Variants in UPRT observed in about 807,000 individuals in gnomAD.
UPRT encodes the protein uracil phosphoribosyltransferase homolog, also known as RP11-311P8.3.
UPRT carries 5 observed loss-of-function variants against 22.6 expected under a neutral mutation model. The ratio of observed to expected loss-of-function variants is 0.22; its 90% confidence interval spans 0.12 to 0.47. The LOEUF (loss-of-function observed/expected upper bound fraction) is 0.47. UPRT is among the 20% of genes least tolerant of loss of function. The pLI is 0.99. For missense variants in UPRT, 181 were observed against 239.9 expected (o/e 0.75, Z 1.62); for synonymous variants, 77 against 87.7 (o/e 0.88, Z 0.68).
chrX:75,246,482 A>G (rs750842173), intron 4 of UPRT, among the ~76,000 whole-genome samples: 2 of 110,219 alleles, frequency 1.8e-5, no homozygotes, highest in East Asian at 5.7e-4. Context: ...TATGTGCCAC[A>G]TTTTCTTAAT....
intron 4 of UPRT, among the ~76,000 whole-genome samples, chrX:75,182,492 G>GT (rs1203301760): frequency 9.0e-6 from 1 of 111,063 alleles, no homozygotes; most frequent in Non-Finnish European, 1.9e-5. Flanking sequence ...GTCTTAGGCT[G>GT]TTTCTGGTTT....
At chrX:75,259,600 T>C (rs1196659445) in intron 4 of UPRT, among the ~76,000 whole-genome samples, 1 of 110,069 alleles carries the variant, frequency 9.1e-6, no homozygotes, top group Non-Finnish European at 1.9e-5. Flanking sequence ...CTGAGAAATA[T>C]GGCACTATGT....
chrX:75,271,660 T>C (rs2082608410), upstream of UPRT, among the ~76,000 whole-genome samples: 2 of 111,938 alleles, frequency 1.8e-5, no homozygotes, highest in Admixed American at 1.9e-4. Context: ...TTAATTAAAC[T>C]AAAGAGCTTT....
chrX:75,296,809 AAC>A (rs1328541360), intron 3 of UPRT, among the ~76,000 whole-genome samples: 1 of 111,948 alleles, frequency 8.9e-6, no homozygotes, highest in Non-Finnish European at 1.9e-5. Context: ...TAAAAAAGAA[AAC>A]TAAAAATGAT....
At chrX:75,300,354 T>C (rs2082739864) in intron 5 of UPRT, among the ~76,000 whole-genome samples, 1 of 111,880 alleles carries the variant, frequency 8.9e-6, no homozygotes, top group Non-Finnish European at 1.9e-5. Context: ...CCTCATATAC[T>C]AAATGAATTT....
chrX:75,258,090 C>T (rs1202969036), intron 4 of UPRT, among the ~76,000 whole-genome samples: 3 of 110,785 alleles, frequency 2.7e-5, no homozygotes, highest in Non-Finnish European at 5.7e-5. Flanking sequence ...TCTTCACAAC[C>T]TGCAGACCTG....
intron 4 of UPRT, among the ~76,000 whole-genome samples, chrX:75,191,093 C>A (rs1306362046): frequency 2.7e-5 from 3 of 111,720 alleles, no homozygotes; most frequent in Non-Finnish European, 5.6e-5. Flanking sequence ...CTGTTTCTTT[C>A]CCCATCTTTG....
At position 75,286,306 on chromosome X, in the gene UPRT, T is replaced by TGGG. The variant is rs35193908; in HGVS notation, c.387-7158_387-7156dup. On this transcript the variant is annotated intron_variant, in intron 1 of 6. Transcript: ENST00000373383. ...GGGATTTCTGAAATACAAATTTACT[T>TGGG]GGGGGGGGGGTGGGTCCTGATTTTG... Among the ~76,000 whole-genome samples the TGGG allele has an allele frequency of 7.2e-3, 280 of 38,854 alleles. 2 individuals are homozygous for TGGG. The highest frequency in any genetic ancestry group is 0.019 in the East Asian group (27 of 1,386). 33.7% of individuals were successfully genotyped at this position (38,854 alleles called of 115,157 possible).
chrX:75,165,672 T>C (rs1361611355), intron 3 of UPRT, among the ~76,000 whole-genome samples: 1 of 112,339 alleles, frequency 8.9e-6, no homozygotes, highest in Non-Finnish European at 1.9e-5. Flanking sequence ...CACATTCATA[T>C]GGAGAAAAAT....
chrX:75,224,867 A>T (rs188396943), intron 4 of UPRT, among the ~76,000 whole-genome samples: 67 of 111,234 alleles, frequency 6.0e-4, no homozygotes, highest in Non-Finnish European at 9.4e-4. Flanking sequence ...TTAGGTTTAA[A>T]TGCCTCTACA....
At chrX:75,265,365 G>T (rs1353504537) in intron 4 of UPRT, among the ~76,000 whole-genome samples, 2 of 111,535 alleles carry the variant, frequency 1.8e-5, no homozygotes. Flanking sequence ...ATTTCTTGGA[G>T]GCTTTGTTCA....
chrX:75,184,170 G>A (rs1319274792), intron 4 of UPRT, among the ~76,000 whole-genome samples: 1 of 111,244 alleles, frequency 9.0e-6, no homozygotes. Flanking sequence ...GAACGTTTAA[G>A]TCTTTAATCC....
chrX:75,207,348 T>C (rs1340105900), intron 4 of UPRT, among the ~76,000 whole-genome samples: 3 of 111,628 alleles, frequency 2.7e-5, no homozygotes, highest in Admixed American at 1.9e-4. Context: ...TGAAAGAGCA[T>C]TGGATTCTTG....
intron 4 of UPRT, among the ~76,000 whole-genome samples, chrX:75,240,216 G>A (rs564944521): frequency 9.0e-6 from 1 of 110,780 alleles, no homozygotes; most frequent in Middle Eastern, 4.6e-3. Context: ...CACCCAAAAA[G>A]CTCAGAGACC....
chrX:75,190,154 C>G lies in UPRT; in HGVS notation c.-447+22275C>G, dbSNP rs928470045. 4.5e-5 allele frequency among the ~76,000 whole-genome samples: 5 copies of G among 111,828 alleles called. 1 individual carries two copies. In the Admixed American group the frequency reaches 4.7e-4, roughly 11 times the overall value. On this transcript the variant is annotated intron_variant, in intron 4 of 13. Transcript: ENST00000652605. ...CCATGTTTAGTGCTTCCTTCAGGAG[C>G]TCTTGTAGGGTGGGCCTGGTGGTGA... is the stretch of plus-strand genomic sequence containing the variant.
chrX:75,183,094 A>G (rs1184869329), intron 4 of UPRT, among the ~76,000 whole-genome samples: 1 of 110,634 alleles, frequency 9.0e-6, no homozygotes, highest in Admixed American at 9.7e-5. Context: ...ACATATGTAT[A>G]CATGTGACAT....
At chrX:75,159,444 G>A (rs1457639406) in intron 1 of UPRT, among the ~76,000 whole-genome samples, 1 of 111,921 alleles carries the variant, frequency 8.9e-6, no homozygotes, top group East Asian at 2.8e-4. Context: ...TATGCATCAT[G>A]TATCAAAATA....
At chrX:75,256,364 G>A (rs778631547) in intron 4 of UPRT, among the ~76,000 whole-genome samples, 104 of 111,601 alleles carry the variant, frequency 9.3e-4, no homozygotes, top group South Asian at 7.4e-3. Flanking sequence ...CAGCAAAGCT[G>A]GTGCTAAGAG....
intron 1 of UPRT, among the ~76,000 whole-genome samples, chrX:75,280,879 A>G (rs1422976616): frequency 8.9e-6 from 1 of 111,737 alleles, no homozygotes; most frequent in African/African-American, 3.3e-5. Context: ...TCATTTTCAC[A>G]ATATTGACTC....
Sources: allele counts gnomAD v4.1 joint callset (sites outside exome capture counted in the v4.1 genomes callset), GRCh38; gene constraint gnomAD v4.1.1; transcripts MANE v1.5; gene names NCBI Gene and HGNC (gene_info 2026-07-23, HGNC 2026-07-21).